Variants in OR10D3 observed in about 807,000 individuals in gnomAD.
OR10D3 encodes olfactory receptor 10D3.
For missense variants in OR10D3, 286 were observed against 153.7 expected, an observed-to-expected ratio of 1.86 and a Z score of -4.55; for synonymous variants, 100 against 57.6, an observed-to-expected ratio of 1.74 and a Z score of -3.33.
chr11:124,185,569 G>A (rs1474537592), exon 2 of OR10D3: 1 of 703,510 alleles, frequency 1.4e-6, no homozygotes, highest in Non-Finnish European at 2.6e-6. Flanking sequence ...GTGTCTGCCA[G>A]CTTTTCTTCT....
rs950020775 is a variant in OR10D3, at chr11:124,183,393, A to G, written c.-12+10A>G. ...ATCATACTTTCTCTTTGTAAGTTAC[A>G]TAAGTGCCATCTTTGCCTCTTTCTC... On this transcript the variant is annotated intron_variant, in intron 1 of 1. Transcript: ENST00000641351. The G allele has an allele frequency of 3.3e-5, 5 of 152,158 alleles. No homozygotes were observed. Among genetic ancestry groups the G allele is most frequent in the East Asian group, 1.9e-4 (1 of 5,200 alleles). 9.4% of individuals were successfully genotyped at this position (152,158 alleles called of 1,614,324 possible).
chr11:124,185,737 C>T (rs755833731), exon 2 of OR10D3: 2 of 703,612 alleles, frequency 2.8e-6, no homozygotes, highest in Non-Finnish European at 5.2e-6. Context: ...GCATTCATTC[C>T]AGTATCTTGA....
intron 1 of OR10D3, among the ~76,000 whole-genome samples, chr11:124,183,923 C>A (rs1861190899): frequency 1.3e-5 from 2 of 152,138 alleles, no homozygotes. Flanking sequence ...ACTTTACAAT[C>A]AGGAATTTGG....
chr11:124,186,376 T>G, exon 2 of OR10D3: 1 of 507,720 alleles, frequency 2.0e-6, no homozygotes. Context: ...CAATATTTTA[T>G]TTTATTGTCT....
rs1861209753 is a variant in OR10D3 at position 124,185,446 on chromosome 11, G to A, written c.177G>A (p.Met59Ile). 5 of 703,066 alleles carry A rather than the reference G, an allele frequency of 7.1e-6. No individual in the cohort carries two copies. In the East Asian group the frequency reaches 1.1e-4, roughly 15 times the overall value. The allele number at this position is 703,066 out of a possible 1,614,324, so 43.6% of individuals were successfully genotyped here. Residue 59 changes from methionine (M) to isoleucine (I), a missense_variant, in exon 2 of 2, where the codon ATG (methionine) becomes ATA (isoleucine). Transcript: ENST00000641351. ...CTTCTGCTCGCCTTCACACACCTAT[G>A]TATTTCTTCCTGGGAAACTTGTCTG...
chr11:124,185,973 G>A lies in OR10D3; in HGVS notation c.704G>A (p.Arg235His), dbSNP rs1292281838. 24 of 703,160 alleles carry A rather than the reference G, an allele frequency of 3.4e-5. No individual in the cohort carries two copies. In the East Asian group the frequency reaches 4.3e-4, roughly 13 times the overall value. 43.6% of individuals were successfully genotyped at this position (703,160 alleles called of 1,614,324 possible). A position where few individuals can be genotyped will look rare whatever the true frequency, so the allele number is the denominator to read the frequency against. ...AGCATTCGTACAACTGAGGGCCGTCGCCGTGCCTTCTCCACCTGCAGTGCT... is the reference window on the plus strand; with the variant it reads ...AGCATTCGTACAACTGAGGGCCGTCACCGTGCCTTCTCCACCTGCAGTGCT... The change falls in exon 2 of 2, where the codon CGC becomes CAC. Residue 235 changes from arginine to histidine, a missense_variant. Physicochemically the swap from Arg to His is conservative, Grantham distance 29 (BLOSUM62 0). Coordinates refer to ENST00000641351, the Ensembl canonical transcript of OR10D3.
intron 1 of OR10D3, among the ~76,000 whole-genome samples, chr11:124,183,870 T>C (rs1861190561): frequency 6.6e-6 from 1 of 152,178 alleles, no homozygotes; most frequent in South Asian, 2.1e-4. Context: ...TTTGAGCCCA[T>C]TGTGCTGGCC....
intron 1 of OR10D3, among the ~76,000 whole-genome samples, chr11:124,184,877 A>G (rs956837438): frequency 6.6e-6 from 1 of 152,206 alleles, no homozygotes; most frequent in Non-Finnish European, 1.5e-5. Flanking sequence ...ATTGTGGTTC[A>G]TATCTCCAGT....
chr11:124,187,869 T>C (rs530476297), exon 2 of OR10D3: 2 of 152,336 alleles, frequency 1.3e-5, no homozygotes, highest in African/African-American at 4.8e-5. Context: ...CTCAAAACAA[T>C]CTTTGATATT....
chr11:124,187,528 C>T (rs1861239553), exon 2 of OR10D3: 1 of 152,210 alleles, frequency 6.6e-6, no homozygotes, highest in African/African-American at 2.4e-5. Flanking sequence ...CTTTACACCT[C>T]TTACCAAAAT....
chr11:124,185,544 TCTC>T (rs1488579519), exon 2 of OR10D3: 7 of 703,312 alleles, frequency 1.0e-5, no homozygotes, highest in African/African-American at 7.0e-5. Flanking sequence ...AGCCGACTCA[TCTC>T]CTACAAAGAC....
At chr11:124,185,853 C>T in exon 2 of OR10D3, 1 of 703,512 alleles carries the variant, frequency 1.4e-6, no homozygotes, top group South Asian at 1.5e-5. Context: ...ACATCCTTAG[C>T]CCAGAGGGTG....
chr11:124,186,512 T>C (rs990081387), exon 2 of OR10D3: 19 of 217,862 alleles, frequency 8.7e-5, no homozygotes, highest in Middle Eastern at 1.5e-3. Context: ...TTTTTTTTTT[T>C]TTTGCATCAC....
chr11:124,183,476 CTTTTTTTCTCTTTCTT>C (rs1861186281), intron 1 of OR10D3, 93 bp downstream of exon 1: 4 of 151,380 alleles, frequency 2.6e-5, no homozygotes, highest in African/African-American at 7.3e-5. Context: ...CTTTCTTTCT[CTTTTTTTCTCTTTCTT>C]TTTTTTTCTT....
intron 1 of OR10D3, among the ~76,000 whole-genome samples, chr11:124,185,030 T>C (rs1861203323): frequency 6.6e-6 from 1 of 152,228 alleles, no homozygotes; most frequent in Admixed American, 6.5e-5. Flanking sequence ...AATGGGCATT[T>C]GTATTTCGAA....
chr11:124,186,248 T>A, exon 2 of OR10D3: 1 of 638,924 alleles, frequency 1.6e-6, no homozygotes, highest in South Asian at 1.8e-5. Context: ...GGAATTCCTT[T>A]TGCTTTGACC....
exon 2 of OR10D3, chr11:124,187,897 T>C (rs1861243970): frequency 6.6e-6 from 1 of 152,242 alleles, no homozygotes; most frequent in Non-Finnish European, 1.5e-5. Context: ...TTGTTCCCAT[T>C]TTACTGTGAG....
At chr11:124,186,691 A>G (rs1226327703) in exon 2 of OR10D3, 1 of 152,798 alleles carries the variant, frequency 6.5e-6, no homozygotes, top group Non-Finnish European at 1.5e-5. Context: ...TCCTCCCCAA[A>G]TATCTGGAAA....
Position 124,185,940 on chromosome 11 carries a change from C to G in OR10D3, c.671C>G (p.Ser224Cys), listed in dbSNP as rs893640460. The G allele has an allele frequency of 4.3e-6, 3 of 703,146 alleles. No homozygotes were observed. In the African/African-American group the frequency reaches 5.2e-5, roughly 12 times the overall value. The allele number at this position is 703,146 out of a possible 1,614,324, so 43.6% of individuals were successfully genotyped here. Residue 224 changes from serine to cysteine, a missense_variant, in exon 2 of 2, where the codon TCT becomes TGT. By Grantham distance (112) the Ser-to-Cys change is moderately radical (BLOSUM62 -1). Coordinates refer to ENST00000641351, the Ensembl canonical transcript of OR10D3. ...TTATCCTACACTAGAATCACAATAT[C>G]TATCTTAAGCATTCGTACAACTGAG... is the stretch of plus-strand genomic sequence containing the variant.
Sources: gnomAD v4.1 joint callset for allele counts (sites outside exome capture counted in the v4.1 genomes callset) on GRCh38, gnomAD v4.1.1 for gene constraint, MANE v1.5 for transcripts, NCBI Gene and HGNC (gene_info 2026-07-23, HGNC 2026-07-21) for gene names.